Variants in RAPGEF4 observed in about 807,000 individuals in gnomAD.
RAPGEF4 encodes RAP guanine-nucleotide-exchange factor (GEF) 4.
In RAPGEF4, 66 loss-of-function variants were observed where a neutral mutation model predicts 147.9. The observed-to-expected ratio is 0.45, with a 90% confidence interval of 0.37 to 0.55. The LOEUF is 0.55. RAPGEF4 is among the 20% of genes least tolerant of loss of function. The pLI is 0.00. For synonymous variants in RAPGEF4, 419 were observed against 442.7 expected (o/e 0.95, Z 0.67); for missense variants, 1,071 against 1,257.3 (o/e 0.85, Z 2.24).
At position 172,900,961 on chromosome 2, in the gene RAPGEF4, A is replaced by T. The variant is rs1274191423; in HGVS notation, c.445-16841A>T. Among the ~76,000 whole-genome samples the T allele has an allele frequency of 4.0e-5, 6 of 151,412 alleles. No individual in the cohort carries two copies. In the South Asian group the frequency reaches 1.0e-3, roughly 26 times the overall value. The stretch of plus-strand genomic sequence containing the variant: ...TGTTGAAAGAGAAAACACATACATT[A>T]TTTTTTTTTCAAATATATTACATGG... On this transcript the variant is annotated intron_variant, in intron 4 of 30. Transcript: ENST00000397081.
intron 4 of RAPGEF4, among the ~76,000 whole-genome samples, chr2:172,866,656 T>G (rs1007516228): frequency 6.6e-6 from 1 of 151,910 alleles, no homozygotes; most frequent in African/African-American, 2.4e-5. Flanking sequence ...AACTCCAAAC[T>G]CAACTTGGAT....
chr2:172,740,738 C>A (rs1694226387), intron 1 of RAPGEF4, among the ~76,000 whole-genome samples: 1 of 152,190 alleles, frequency 6.6e-6, no homozygotes, highest in South Asian at 2.1e-4. Context: ...GATGACATTA[C>A]CCCGGTACAT....
At chr2:172,782,823 A>G (rs1056535675) in intron 1 of RAPGEF4, among the ~76,000 whole-genome samples, 2 of 152,126 alleles carry the variant, frequency 1.3e-5, no homozygotes, top group African/African-American at 4.8e-5. Flanking sequence ...GTAGACTTCT[A>G]TTTTATGTGC....
intron 17 of RAPGEF4, among the ~76,000 whole-genome samples, chr2:173,006,300 G>A (rs1339271275): frequency 6.6e-6 from 1 of 152,176 alleles, no homozygotes; most frequent in Non-Finnish European, 1.5e-5. Flanking sequence ...TTATGTCAAT[G>A]AATGTAGGTG....
intron 4 of RAPGEF4, chr2:172,893,830 A>ATC (rs2149917459): frequency 6.6e-6 from 1 of 152,372 alleles, no homozygotes; most frequent in Admixed American, 6.5e-5. Context: ...TGCCTCAGGC[A>ATC]TCTCTGTCTG....
At chr2:172,860,724 A>G (rs1196651333) in intron 4 of RAPGEF4, among the ~76,000 whole-genome samples, 1 of 152,116 alleles carries the variant, frequency 6.6e-6, no homozygotes, top group Non-Finnish European at 1.5e-5. Context: ...TTGAAAAACT[A>G]TGTTTAAATA....
At position 172,893,128 on chromosome 2, in the gene RAPGEF4, C is replaced by T. The variant is rs898994709; in HGVS notation, c.445-24674C>T. On this transcript the variant is annotated intron_variant, in intron 4 of 30. Coordinates refer to ENST00000397081, the MANE Select transcript of RAPGEF4 (RefSeq NM_007023.4). ...AAGCATTTAGTCTGTTAAAGAGAAA[C>T]GATGCTAGAAATCTCCCCAGAGTAC... 3.3e-5 allele frequency among the ~76,000 whole-genome samples: 5 copies of T among 152,216 alleles called. No homozygotes were observed. The East Asian group carries it at 5.8e-4, about 18-fold the overall frequency.
chr2:172,737,266 T>C (rs923185601), intron 1 of RAPGEF4, among the ~76,000 whole-genome samples: 10 of 152,270 alleles, frequency 6.6e-5, no homozygotes, highest in African/African-American at 2.4e-4. Context: ...ATGCAATAAA[T>C]AGTAAGAGAA....
At chr2:172,941,607 G>A (rs1687166291) in intron 6 of RAPGEF4, among the ~76,000 whole-genome samples, 1 of 152,066 alleles carries the variant, frequency 6.6e-6, no homozygotes, top group African/African-American at 2.4e-5. Flanking sequence ...CAGTGATTAG[G>A]GGAGTTAGGG....
At chr2:172,935,111 A>G (rs948607073) in intron 6 of RAPGEF4, among the ~76,000 whole-genome samples, 1 of 152,200 alleles carries the variant, frequency 6.6e-6, no homozygotes, top group Non-Finnish European at 1.5e-5. Flanking sequence ...TGAAGGGCAG[A>G]GGCTGCAGTG....
At chr2:172,997,995 A>C (rs144765696) in intron 16 of RAPGEF4, among the ~76,000 whole-genome samples, 66 of 152,328 alleles carry the variant, frequency 4.3e-4, no homozygotes, top group African/African-American at 1.5e-3. Flanking sequence ...CTCCAGGCCA[A>C]TTATTCTCAG....
chr2:173,018,626 A>G (rs764039498), intron 21 of RAPGEF4, 30 bp from the exon 22 acceptor site: 1 of 1,592,100 alleles, frequency 6.3e-7, no homozygotes, highest in South Asian at 1.1e-5. Context: ...CTTAAGAGTG[A>G]TTTACTACCT....
chr2:172,906,877 G>A (rs1388862842), intron 4 of RAPGEF4, among the ~76,000 whole-genome samples: 1 of 152,216 alleles, frequency 6.6e-6, no homozygotes, highest in Non-Finnish European at 1.5e-5. Context: ...CTCAGAAAGT[G>A]ACATGCCTCT....
chr2:172,972,944 T>G (rs1690650705), intron 10 of RAPGEF4, among the ~76,000 whole-genome samples: 1 of 152,182 alleles, frequency 6.6e-6, no homozygotes, highest in Non-Finnish European at 1.5e-5. Context: ...ATTTTTTAAT[T>G]CCTAACTTTT....
intron 1 of RAPGEF4, among the ~76,000 whole-genome samples, chr2:172,757,474 C>T (rs1695886262): frequency 6.6e-6 from 1 of 152,190 alleles, no homozygotes; most frequent in Non-Finnish European, 1.5e-5. Context: ...TTTGTCTCTT[C>T]CCTACTACTG....
chr2:172,919,955 G>A (rs997543499), intron 5 of RAPGEF4, among the ~76,000 whole-genome samples: 2 of 152,076 alleles, frequency 1.3e-5, no homozygotes, highest in Non-Finnish European at 2.9e-5. Context: ...TCCCTCTGCA[G>A]CCACCTGGCC....
chr2:172,883,155 T>C (rs1025185640), intron 4 of RAPGEF4, among the ~76,000 whole-genome samples: 2 of 152,146 alleles, frequency 1.3e-5, no homozygotes, highest in Admixed American at 1.3e-4. Flanking sequence ...TTAGTCTGTT[T>C]TGTGCTGCTG....
At chr2:172,976,948 T>G (rs1172199452) in intron 10 of RAPGEF4, among the ~76,000 whole-genome samples, 1 of 152,234 alleles carries the variant, frequency 6.6e-6, no homozygotes, top group Non-Finnish European at 1.5e-5. Flanking sequence ...CTGCAGAAAC[T>G]AGGCCTTTCC....
chr2:172,842,883 T>C (rs751324646), intron 4 of RAPGEF4, among the ~76,000 whole-genome samples: 9 of 152,274 alleles, frequency 5.9e-5, no homozygotes, highest in Admixed American at 1.3e-4. Flanking sequence ...TGGGAAAACA[T>C]AGTCTGCCCC....
Sources: allele counts gnomAD v4.1 joint callset (sites outside exome capture counted in the v4.1 genomes callset), GRCh38; gene constraint gnomAD v4.1.1; transcripts MANE v1.5; gene names NCBI Gene and HGNC (gene_info 2026-07-23, HGNC 2026-07-21).